The following ANXA10 variants were observed in gnomAD, a reference collection of about 807,000 sequenced individuals.
ANXA10 encodes the protein annexin A10.
Under a neutral mutation model 53.5 loss-of-function variants are expected in ANXA10, and 49 were observed. That is an observed-to-expected ratio of 0.92 (90% CI 0.73 to 1.16). ANXA10 has a LOEUF of 1.16. Ranked by LOEUF, ANXA10 falls within the 50% of genes most tolerant of loss-of-function variation. ANXA10 has a pLI of 0.00. For synonymous variants in ANXA10, 131 were observed against 128.9 expected, an observed-to-expected ratio of 1.02 and a Z score of -0.11; for missense variants, 393 against 394.4, an observed-to-expected ratio of 1.00 and a Z score of 0.03.
intron 2 of ANXA10, among the ~76,000 whole-genome samples, chr4:168,137,941 C>T (rs1731264168): frequency 1.3e-5 from 2 of 151,518 alleles, no homozygotes; most frequent in South Asian, 4.2e-4. Context: ...ACATCCTCTC[C>T]AACATCTGTT....
In ANXA10 at chr4:168,165,345, T is replaced by G. The variant is rs749119744; in HGVS notation, c.480+19T>G. 1 of 1,459,632 alleles carries G rather than the reference T, an allele frequency of 6.9e-7. No homozygotes were observed. Among genetic ancestry groups the G allele is most frequent in the East Asian group, 2.3e-5 (1 of 42,788 alleles). 90.4% of individuals were successfully genotyped at this position (1,459,632 alleles called of 1,614,324 possible). A position where few individuals can be genotyped will look rare whatever the true frequency, so the allele number is the denominator to read the frequency against. The stretch of plus-strand genomic sequence containing the variant: ...GGTCCAGGTATGGCATTCCAAAATT[T>G]ACATTACTTTGCACTATCTAAGCAA... On this transcript the variant is annotated intron_variant, in intron 6 of 11. Coordinates refer to ENST00000359299, the MANE Select transcript of ANXA10 (RefSeq NM_007193.5).
At chr4:168,168,924 TTTAATTTGGATATC>T (rs1731930735) in intron 6 of ANXA10, among the ~76,000 whole-genome samples, 1 of 152,208 alleles carries the variant, frequency 6.6e-6, no homozygotes, top group Non-Finnish European at 1.5e-5. Context: ...TTTGGTTTAG[TTTAATTTGGATATC>T]TGTGGTTTGG....
chr4:168,179,647 C>T (rs539393346), intron 9 of ANXA10, among the ~76,000 whole-genome samples: 3 of 152,278 alleles, frequency 2.0e-5, no homozygotes, highest in African/African-American at 7.2e-5. Context: ...GACTTCCATT[C>T]CCTTGTCCAA....
At chr4:168,154,112 A>G (rs1731559725) in intron 3 of ANXA10, among the ~76,000 whole-genome samples, 1 of 152,116 alleles carries the variant, frequency 6.6e-6, no homozygotes, top group South Asian at 2.1e-4. Flanking sequence ...AAAATATCAT[A>G]TGTAAAGGGA....
intron 3 of ANXA10, among the ~76,000 whole-genome samples, chr4:168,149,026 ATTATT>A (rs968046428): frequency 3.9e-5 from 6 of 152,050 alleles, no homozygotes; most frequent in Admixed American, 3.3e-4. Context: ...ATCAAGAGGT[ATTATT>A]TTGTTTGTTT....
intron 3 of ANXA10, among the ~76,000 whole-genome samples, chr4:168,153,575 G>C (rs1040911670): frequency 6.6e-5 from 10 of 151,948 alleles, no homozygotes; most frequent in African/African-American, 2.4e-4. Flanking sequence ...GACAAAGATG[G>C]GGGACGGTAG....
At chr4:168,101,518 G>T (rs904943087) in intron 1 of ANXA10, among the ~76,000 whole-genome samples, 3 of 131,898 alleles carry the variant, frequency 2.3e-5, no homozygotes, top group African/African-American at 8.4e-5. Flanking sequence ...AGGGGACGGG[G>T]GGAAGCTTTT....
At chr4:168,165,120 ATGTC>A in intron 5 of ANXA10, 123 bp from the exon 6 acceptor site, 1 of 459,338 alleles carries the variant, frequency 2.2e-6, no homozygotes, top group Non-Finnish European at 3.8e-6. Context: ...TGACAAAGAA[ATGTC>A]AACAGGTGGA....
rs1325917971 is a variant in ANXA10, at chr4:168,149,383, C to A, written c.195+9803C>A. Among the ~76,000 whole-genome samples the A allele has an allele frequency of 4.6e-5, 7 of 152,242 alleles. No individual in the cohort carries two copies. The East Asian group carries it at 1.4e-3, about 29-fold the overall frequency. The stretch of plus-strand genomic sequence containing the variant: ...ATGTATTTTCCCAATGTGCTGATTT[C>A]ATTTTCAGTTTTTTACTAGCTACTC... On this transcript the variant is annotated intron_variant, in intron 3 of 11. Transcript: ENST00000359299.
chr4:168,162,685 AG>A, intron 4 of ANXA10, 44 bp downstream of exon 4: 1 of 1,489,636 alleles, frequency 6.7e-7, no homozygotes, highest in Non-Finnish European at 9.4e-7. Context: ...AGTACAGGCC[AG>A]TATTTCAGTA....
intron 3 of ANXA10, among the ~76,000 whole-genome samples, chr4:168,142,256 A>T (rs1025080223): frequency 2.5e-4 from 38 of 151,938 alleles, no homozygotes; most frequent in Admixed American, 1.8e-3. Flanking sequence ...AATAAACCTA[A>T]TGCCTTCCCA....
At chr4:168,095,159 A>G (rs1730521232) in intron 1 of ANXA10, among the ~76,000 whole-genome samples, 1 of 152,024 alleles carries the variant, frequency 6.6e-6, no homozygotes, top group Non-Finnish European at 1.5e-5. Flanking sequence ...AATTCTTTTT[A>G]TTAATATATA....
At chr4:168,162,682 G>A (rs1478891999) in intron 4 of ANXA10, 41 bp downstream of exon 4, 1 of 1,538,090 alleles carries the variant, frequency 6.5e-7, no homozygotes, top group South Asian at 1.1e-5. Flanking sequence ...ACAAGTACAG[G>A]CCAGTATTTC....
At chr4:168,150,539 C>A (rs1731479236) in intron 3 of ANXA10, among the ~76,000 whole-genome samples, 1 of 152,172 alleles carries the variant, frequency 6.6e-6, no homozygotes, top group Non-Finnish European at 1.5e-5. Flanking sequence ...AAACTGGAAA[C>A]AGACACTTTG....
chr4:168,128,445 C>A (rs993046210), intron 2 of ANXA10, among the ~76,000 whole-genome samples: 7 of 152,078 alleles, frequency 4.6e-5, no homozygotes, highest in Non-Finnish European at 1.0e-4. Context: ...ATGAAATCTC[C>A]ACTAAAACAC....
At chr4:168,094,925 T>G (rs1730517708) in intron 1 of ANXA10, among the ~76,000 whole-genome samples, 1 of 152,086 alleles carries the variant, frequency 6.6e-6, no homozygotes, top group Non-Finnish European at 1.5e-5. Context: ...ACTAGTGTAT[T>G]TTACTTATGT....
intron 3 of ANXA10, among the ~76,000 whole-genome samples, chr4:168,151,503 T>A (rs1233298201): frequency 6.6e-6 from 1 of 152,216 alleles, no homozygotes; most frequent in Non-Finnish European, 1.5e-5. Context: ...CAAGTACTCA[T>A]TAGCTTAATG....
chr4:168,143,166 G>T (rs1028853039), intron 3 of ANXA10, among the ~76,000 whole-genome samples: 1 of 151,912 alleles, frequency 6.6e-6, no homozygotes, highest in Non-Finnish European at 1.5e-5. Flanking sequence ...TAATTTCTCC[G>T]ACCATCAGTA....
intron 3 of ANXA10, among the ~76,000 whole-genome samples, chr4:168,154,003 C>G (rs1471465163): frequency 6.6e-6 from 1 of 151,116 alleles, no homozygotes; most frequent in African/African-American, 2.4e-5. Flanking sequence ...CACACACACA[C>G]GCACACACGC....
Sources: gnomAD v4.1 joint callset for allele counts (sites outside exome capture counted in the v4.1 genomes callset) on GRCh38, gnomAD v4.1.1 for gene constraint, MANE v1.5 for transcripts, NCBI Gene and HGNC (gene_info 2026-07-23, HGNC 2026-07-21) for gene names.